Variants in ZNF804B observed in about 807,000 individuals in gnomAD.
ZNF804B encodes zinc finger 804B.
Under a neutral mutation model 101.4 loss-of-function variants are expected in ZNF804B, and 80 were observed. The observed-to-expected ratio is 0.79, with a 90% confidence interval of 0.66 to 0.95. The LOEUF (loss-of-function observed/expected upper bound fraction) is 0.95, where lower values mean the gene tolerates loss of function less well. Among genes scored for constraint, ZNF804B ranks in the 40% least tolerant of loss-of-function variants. The pLI is 0.00. For missense variants in ZNF804B, 1,673 were observed against 1,561.9 expected, an observed-to-expected ratio of 1.07 and a Z score of -1.20; for synonymous variants, 622 against 558.8, an observed-to-expected ratio of 1.11 and a Z score of -1.59.
At chr7:88,774,340 A>G (rs1320212145) in intron 1 of ZNF804B, among the ~76,000 whole-genome samples, 9 of 151,900 alleles carry the variant, frequency 5.9e-5, no homozygotes, top group African/African-American at 2.2e-4. Flanking sequence ...CAAAAGTGTG[A>G]TCAGCTAGAG....
chr7:88,844,056 AGAGTT>A (rs1221709863), intron 1 of ZNF804B, among the ~76,000 whole-genome samples: 1 of 152,178 alleles, frequency 6.6e-6, no homozygotes, highest in African/African-American at 2.4e-5. Flanking sequence ...CCCATTATGT[AGAGTT>A]AACAAATGTT....
chr7:88,846,932 G>A (rs928848548), intron 1 of ZNF804B, among the ~76,000 whole-genome samples: 7 of 117,256 alleles, frequency 6.0e-5, no homozygotes, highest in Non-Finnish European at 9.6e-5. Flanking sequence ...ATATAAATGT[G>A]TATACACACA....
chr7:88,821,370 C>A (rs1000844388), intron 1 of ZNF804B, among the ~76,000 whole-genome samples: 1 of 152,088 alleles, frequency 6.6e-6, no homozygotes, highest in Admixed American at 6.5e-5. Flanking sequence ...CTATATGTGA[C>A]TTTACTCGAT....
At chr7:89,328,291 C>T (rs555903658) in intron 3 of ZNF804B, among the ~76,000 whole-genome samples, 1 of 151,866 alleles carries the variant, frequency 6.6e-6, no homozygotes, top group East Asian at 1.9e-4. Flanking sequence ...TTTAAGGAAA[C>T]ATTTATTTTT....
At position 89,334,236 on chromosome 7, in the gene ZNF804B, AAG is replaced by A. The variant is rs749104194; in HGVS notation, c.1257_1258del (p.Arg419SerfsTer2). On this transcript the variant is annotated frameshift_variant, in exon 4 of 4. Coordinates refer to ENST00000333190, the MANE Select transcript of ZNF804B (RefSeq NM_181646.5). LOFTEE classifies it high-confidence loss of function. Reference protein sequence around the residue: ...NREKSLDKTERVSKNVQRLVK... With the variant: ...NREKSLDKTEXVSKNVQRLVK... ...GAGAAAAATCTTTAGATAAAACAGA[AAG>A]AGTTAGCAAAAATGTTCAAAGACTT... The A allele has an allele frequency of 6.2e-7, 1 of 1,613,630 alleles. No homozygotes were observed. Among genetic ancestry groups the A allele is most frequent in the Non-Finnish European group, 8.5e-7 (1 of 1,179,804 alleles).
intron 1 of ZNF804B, among the ~76,000 whole-genome samples, chr7:88,959,278 T>C (rs1187871648): frequency 6.6e-6 from 1 of 151,450 alleles, no homozygotes; most frequent in Non-Finnish European, 1.5e-5. Context: ...TATTCAAGTG[T>C]GTTATGTTAC....
At position 89,013,860 on chromosome 7, in the gene ZNF804B, A is replaced by G. The variant is rs974589841; in HGVS notation, c.109-204295A>G. Among the ~76,000 whole-genome samples, 3 of 152,224 alleles carry G rather than the reference A, an allele frequency of 2.0e-5. 1 individual carries two copies. Among genetic ancestry groups the G allele is most frequent in the South Asian group, 4.1e-4 (2 of 4,834 alleles). ...TTTTAGGTTCCACATATGAATGAGA[A>G]CATACACCGTTTAACTTTCTGTTAC... On this transcript the variant is annotated intron_variant, in intron 1 of 3. Coordinates refer to ENST00000333190, the MANE Select transcript of ZNF804B (RefSeq NM_181646.5).
intron 1 of ZNF804B, among the ~76,000 whole-genome samples, chr7:88,774,719 A>G (rs1384467497): frequency 6.6e-6 from 1 of 152,222 alleles, no homozygotes; most frequent in Non-Finnish European, 1.5e-5. Flanking sequence ...ACTGAAGAGA[A>G]TAATGAGAGC....
At chr7:89,195,795 A>C (rs1365546036) in intron 1 of ZNF804B, among the ~76,000 whole-genome samples, 1 of 151,920 alleles carries the variant, frequency 6.6e-6, no homozygotes, top group Admixed American at 6.6e-5. Flanking sequence ...AAGAACTCCC[A>C]TTCACAATTG....
At chr7:89,170,458 T>C (rs1328974909) in intron 1 of ZNF804B, among the ~76,000 whole-genome samples, 2 of 152,176 alleles carry the variant, frequency 1.3e-5, no homozygotes, top group Non-Finnish European at 2.9e-5. Context: ...CTATGAAATG[T>C]GAAAAAGTAA....
intron 1 of ZNF804B, among the ~76,000 whole-genome samples, chr7:89,161,236 A>G (rs1480875957): frequency 6.6e-6 from 1 of 152,076 alleles, no homozygotes; most frequent in African/African-American, 2.4e-5. Flanking sequence ...GAAGTAAAGC[A>G]GTCTCTAAAA....
intron 2 of ZNF804B, among the ~76,000 whole-genome samples, chr7:89,289,874 G>A (rs1584107424): frequency 6.6e-6 from 1 of 152,186 alleles, no homozygotes; most frequent in East Asian, 1.9e-4. Context: ...TAAGATACCA[G>A]ACAGGTGGCT....
chr7:89,286,434 C>T (rs1365797518), intron 2 of ZNF804B, among the ~76,000 whole-genome samples: 1 of 152,272 alleles, frequency 6.6e-6, no homozygotes, highest in East Asian at 1.9e-4. Context: ...AAGCCTGAAA[C>T]AATTAATTAC....
At chr7:89,282,668 GATTCAAGGGGGTTGT>G (rs1790118421) in intron 2 of ZNF804B, among the ~76,000 whole-genome samples, 1 of 152,074 alleles carries the variant, frequency 6.6e-6, no homozygotes, top group Non-Finnish European at 1.5e-5. Flanking sequence ...GATTAACCTG[GATTCAAGGGGGTTGT>G]AAATAAAGTA....
chr7:88,938,021 T>C (rs1792998751), intron 1 of ZNF804B, among the ~76,000 whole-genome samples: 1 of 152,088 alleles, frequency 6.6e-6, no homozygotes, highest in Non-Finnish European at 1.5e-5. Flanking sequence ...ATTGGTTTTA[T>C]ACATTTTAGA....
At chr7:88,934,556 A>G (rs556519764) in intron 1 of ZNF804B, among the ~76,000 whole-genome samples, 1 of 152,134 alleles carries the variant, frequency 6.6e-6, no homozygotes, top group South Asian at 2.1e-4. Context: ...CAAGAAAAAA[A>G]TAATCCCATC....
At chr7:89,111,671 CT>C (rs776862648) in intron 1 of ZNF804B, among the ~76,000 whole-genome samples, 1 of 152,042 alleles carries the variant, frequency 6.6e-6, no homozygotes, top group Non-Finnish European at 1.5e-5. Context: ...CTTATCTTTC[CT>C]TAATTTTAAG....
At chr7:88,841,232 T>C (rs1193356360) in intron 1 of ZNF804B, among the ~76,000 whole-genome samples, 1 of 152,284 alleles carries the variant, frequency 6.6e-6, no homozygotes, top group Non-Finnish European at 1.5e-5. Flanking sequence ...TTACACTGGA[T>C]CTTAGGGTGA....
At chr7:89,235,716 C>T (rs1397324272) in intron 2 of ZNF804B, among the ~76,000 whole-genome samples, 2 of 151,480 alleles carry the variant, frequency 1.3e-5, no homozygotes, top group East Asian at 3.9e-4. Context: ...ATATATTTGC[C>T]TTCTGTGGGC....
Sources: gnomAD v4.1 joint callset for allele counts (sites outside exome capture counted in the v4.1 genomes callset) on GRCh38, gnomAD v4.1.1 for gene constraint, MANE v1.5 for transcripts, NCBI Gene and HGNC (gene_info 2026-07-23, HGNC 2026-07-21) for gene names.